Variants in TNIK observed in about 807,000 individuals in gnomAD.
TNIK encodes the protein TRAF2 and NCK-interacting protein kinase.
TNIK carries 49 observed loss-of-function variants against 191.3 expected under a neutral mutation model. The ratio of observed to expected loss-of-function variants is 0.26; its 90% CI spans 0.20 to 0.32. The LOEUF (loss-of-function observed/expected upper bound fraction) is 0.32, where lower values mean the gene tolerates loss of function less well. TNIK is among the 10% of genes least tolerant of loss of function. The pLI, the probability that TNIK is intolerant of heterozygous loss-of-function variation, is 1.00. For missense variants in TNIK, 1,155 were observed against 1,702.3 expected, an observed-to-expected ratio of 0.68 and a Z score of 5.66; for synonymous variants, 594 against 600.9, an observed-to-expected ratio of 0.99 and a Z score of 0.17.
intron 30 of TNIK, among the ~76,000 whole-genome samples, chr3:171,067,604 G>A (rs1301280342): frequency 1.3e-5 from 2 of 151,438 alleles, no homozygotes; most frequent in East Asian, 1.9e-4. Flanking sequence ...CAGGAGAGGC[G>A]GAGCTTGCAG....
At chr3:171,133,298 TAAAG>T (rs1729565051) in intron 15 of TNIK, among the ~76,000 whole-genome samples, 1 of 152,116 alleles carries the variant, frequency 6.6e-6, no homozygotes, top group Non-Finnish European at 1.5e-5. Flanking sequence ...ATATAGGAAA[TAAAG>T]AAGTGCTTAT....
At chr3:171,108,298 C>A in intron 19 of TNIK, 136 bp from the exon 20 acceptor site, 1 of 597,116 alleles carries the variant, frequency 1.7e-6, no homozygotes, top group Non-Finnish European at 2.7e-6. Flanking sequence ...GGCAAATCCT[C>A]AAGAAACATC....
intron 1 of TNIK, among the ~76,000 whole-genome samples, chr3:171,431,952 G>T (rs1397761320): frequency 6.6e-6 from 1 of 152,198 alleles, no homozygotes; most frequent in Non-Finnish European, 1.5e-5. Flanking sequence ...ACTGGGAAAT[G>T]ATTGATTTTC....
At chr3:171,139,650 T>A (rs906229888) in intron 13 of TNIK, 94 bp from the exon 14 acceptor site, 1 of 1,247,142 alleles carries the variant, frequency 8.0e-7, no homozygotes, top group East Asian at 2.4e-5. Flanking sequence ...CTAAGTAAAG[T>A]GTAGAAGGAA....
chr3:171,107,341 C>G, intron 20 of TNIK, 135 bp from the exon 21 acceptor site: 2 of 745,098 alleles, frequency 2.7e-6, no homozygotes, highest in South Asian at 4.0e-5. Flanking sequence ...GAATGTCAAT[C>G]CAGAATGATG....
chr3:171,395,766 G>A (rs1002054924), intron 1 of TNIK, among the ~76,000 whole-genome samples: 1 of 152,098 alleles, frequency 6.6e-6, no homozygotes, highest in African/African-American at 2.4e-5. Context: ...TGAACGGAGT[G>A]AACATCCGTG....
intron 18 of TNIK, among the ~76,000 whole-genome samples, chr3:171,117,217 G>A (rs1342009314): frequency 6.6e-6 from 1 of 152,136 alleles, no homozygotes; most frequent in African/African-American, 2.4e-5. Context: ...GAGAAAGGTG[G>A]GGACAAAATG....
intron 3 of TNIK, among the ~76,000 whole-genome samples, chr3:171,217,056 C>T (rs113470779): frequency 3.9e-5 from 6 of 152,122 alleles, no homozygotes; most frequent in African/African-American, 1.4e-4. Flanking sequence ...AGGTATATAT[C>T]CAAAAGCAAA....
chr3:171,229,238 CG>C (rs965280086), intron 2 of TNIK, among the ~76,000 whole-genome samples: 27 of 152,138 alleles, frequency 1.8e-4, no homozygotes, highest in African/African-American at 6.5e-4. Flanking sequence ...AGATGCTGGC[CG>C]TAATTATGTA....
intron 15 of TNIK, among the ~76,000 whole-genome samples, chr3:171,131,337 CAAAAAAAAAAAAAAAAAAA>C (rs61728094): frequency 0.016 from 360 of 23,162 alleles, 8 homozygotes; most frequent in Middle Eastern, 0.056. Context: ...GACTCCGTCT[CAAAAAAAAAAAAAAAAAAA>C]AAAAAAAAAA....
At position 171,361,469 on chromosome 3, in the gene TNIK, C is replaced by T. The variant is rs560652682; in HGVS notation, c.123+8151G>A. On this transcript the variant is annotated intron_variant, in intron 2 of 32. Coordinates refer to ENST00000436636, the MANE Select transcript of TNIK (RefSeq NM_015028.4). Reference sequence around the variant, plus strand: ...CATGACAACCATCTAATTCATTATACTCAACAGATCATAGCACAAGGTGGC... The same window carrying T: ...CATGACAACCATCTAATTCATTATATTCAACAGATCATAGCACAAGGTGGC... Among the ~76,000 whole-genome samples the T allele has an allele frequency of 1.2e-4, 18 of 152,268 alleles. No homozygotes were observed. In the South Asian group the frequency reaches 3.7e-3, roughly 32 times the overall value.
chr3:171,198,336 T>C (rs1436224698), intron 4 of TNIK, among the ~76,000 whole-genome samples: 1 of 151,486 alleles, frequency 6.6e-6, no homozygotes, highest in African/African-American at 2.4e-5. Flanking sequence ...ATATCCAAAA[T>C]AGGCAATCCA....
At chr3:171,337,525 C>T (rs1757081649) in intron 2 of TNIK, among the ~76,000 whole-genome samples, 1 of 152,180 alleles carries the variant, frequency 6.6e-6, no homozygotes, top group African/African-American at 2.4e-5. Context: ...AGTTACAATG[C>T]CATATTTCAT....
chr3:171,338,236 G>C (rs916335802), intron 2 of TNIK, among the ~76,000 whole-genome samples: 22 of 152,154 alleles, frequency 1.4e-4, no homozygotes, highest in Middle Eastern at 3.4e-3. Context: ...CTAAACTGGA[G>C]AAGCCCTCAT....
At chr3:171,270,717 A>G (rs754695592) in intron 2 of TNIK, among the ~76,000 whole-genome samples, 1 of 152,178 alleles carries the variant, frequency 6.6e-6, no homozygotes, top group Non-Finnish European at 1.5e-5. Context: ...GCCACAAAAA[A>G]TAGGGGTTGA....
chr3:171,172,061 T>G (rs1735359540), intron 9 of TNIK, among the ~76,000 whole-genome samples: 1 of 151,198 alleles, frequency 6.6e-6, no homozygotes, highest in Non-Finnish European at 1.5e-5. Flanking sequence ...GGTGGTGGTC[T>G]CCTTTCCCTC....
chr3:171,117,105 T>A (rs1372410309), intron 18 of TNIK, among the ~76,000 whole-genome samples: 1 of 152,198 alleles, frequency 6.6e-6, no homozygotes, highest in African/African-American at 2.4e-5. Flanking sequence ...TAAATGGGTC[T>A]CATGAGACAA....
chr3:171,426,765 C>T (rs1724690439), intron 1 of TNIK, among the ~76,000 whole-genome samples: 1 of 152,082 alleles, frequency 6.6e-6, no homozygotes, highest in South Asian at 2.1e-4. Context: ...CTTTACTTTC[C>T]CGGTAAGGCC....
intron 2 of TNIK, among the ~76,000 whole-genome samples, chr3:171,337,480 C>T (rs984281630): frequency 9.2e-5 from 14 of 152,202 alleles, no homozygotes; most frequent in African/African-American, 2.7e-4. Flanking sequence ...CATGTAAATA[C>T]GGTTTAAGCC....
Sources: allele counts gnomAD v4.1 joint callset (sites outside exome capture counted in the v4.1 genomes callset), GRCh38; gene constraint gnomAD v4.1.1; transcripts MANE v1.5; gene names NCBI Gene and HGNC (gene_info 2026-07-23, HGNC 2026-07-21).